TSHR: variants seen among roughly 807,000 people sequenced by gnomAD.
The protein encoded by TSHR is thyroid stimulating hormone receptor.
A neutral mutation model predicts 64.1 loss-of-function variants in TSHR; 51 were observed. That is an observed-to-expected ratio of 0.80 (90% CI 0.64 to 1.01). TSHR has a LOEUF of 1.01. TSHR is among the 50% of genes least tolerant of loss of function. TSHR has a pLI of 0.00. For missense variants in TSHR, 877 were observed against 942.8 expected (o/e 0.93, Z 0.91); for synonymous variants, 361 against 361.9 (o/e 1.00, Z 0.03).
chr14:81,144,332 G>A lies in TSHR; in HGVS notation c.2274G>A (p.Glu758=). ...TPKKQGQISE[E]YMQTVL is the part of the protein sequence containing the mutation. Reference sequence around the variant, plus strand: ...AGAAGCAAGGCCAAATCTCAGAAGAGTATATGCAAACGGTTTTGTAAGTTA... The same window carrying A: ...AGAAGCAAGGCCAAATCTCAGAAGAATATATGCAAACGGTTTTGTAAGTTA... Residue 758 remains glutamate, a synonymous_variant, in exon 10 of 10, where the codon GAG becomes GAA. Transcript: ENST00000298171. 3.1e-6 allele frequency: 5 copies of A among 1,614,160 alleles called. No individual in the cohort carries two copies. The highest frequency in any genetic ancestry group is 4.2e-6 in the Non-Finnish European group (5 of 1,180,052).
Position 81,130,100 on chromosome 14 carries a change from C to T in TSHR, c.693-9579C>T, listed in dbSNP as rs116111222. ...GGAAAACTGATGATTGAATATTACACGGCCTTAAAGAGTTATTGTTTTAGA... is the reference window on the plus strand; with the variant it reads ...GGAAAACTGATGATTGAATATTACATGGCCTTAAAGAGTTATTGTTTTAGA... On this transcript the variant is annotated intron_variant, in intron 8 of 9. Coordinates refer to ENST00000298171, the MANE Select transcript of TSHR (RefSeq NM_000369.5). Among the ~76,000 whole-genome samples, 1,280 of 152,210 alleles carry T rather than the reference C, an allele frequency of 8.4e-3. 27 individuals carry two copies. The highest frequency in any genetic ancestry group is 0.03 in the African/African-American group (1,239 of 41,518).
At chr14:81,137,258 T>C (rs1891491911) in intron 8 of TSHR, among the ~76,000 whole-genome samples, 1 of 152,182 alleles carries the variant, frequency 6.6e-6, no homozygotes, top group African/African-American at 2.4e-5. Context: ...AATGCTGATT[T>C]GCAGAGTGAT....
intron 9 of TSHR, among the ~76,000 whole-genome samples, chr14:81,142,704 G>T (rs1891746398): frequency 6.7e-6 from 1 of 150,364 alleles, no homozygotes; most frequent in South Asian, 2.1e-4. Context: ...GACCTCCCCA[G>T]GCTCAGGTGA....
rs1251104135 is a variant in TSHR at position 81,092,625 on chromosome 14, C to A, written c.545+17C>A. The A allele has an allele frequency of 2.3e-5, 37 of 1,607,796 alleles. No individual in the cohort carries two copies. Among genetic ancestry groups the A allele is most frequent in the Non-Finnish European group, 3.2e-5 (37 of 1,174,518 alleles). On this transcript the variant is annotated intron_variant, in intron 6 of 9. Transcript: ENST00000298171. ...CTTGACACTGTGAGTATTACCAGTT[C>A]TACTCCCTCCATCAACTAAATTCTA...
intron 1 of TSHR, chr14:81,001,176 A>C (rs1388975953): frequency 5.8e-6 from 1 of 171,636 alleles, no homozygotes; most frequent in African/African-American, 2.4e-5. Context: ...CCATGCCGTA[A>C]GTTTTTGTTT....
At chr14:81,056,729 G>T (rs1363195139) in intron 1 of TSHR, among the ~76,000 whole-genome samples, 1 of 152,062 alleles carries the variant, frequency 6.6e-6, no homozygotes, top group Non-Finnish European at 1.5e-5. Flanking sequence ...CACAAAAAAA[G>T]CCCAAATCAA....
chr14:80,966,592 T>A (rs530478017), intron 1 of TSHR, among the ~76,000 whole-genome samples: 6 of 150,776 alleles, frequency 4.0e-5, no homozygotes, highest in South Asian at 2.1e-4. Flanking sequence ...AAAAAAAAAA[T>A]AAAAATTTAA....
At chr14:81,081,171 A>C (rs1262398700) in intron 3 of TSHR, among the ~76,000 whole-genome samples, 1 of 152,184 alleles carries the variant, frequency 6.6e-6, no homozygotes, top group Non-Finnish European at 1.5e-5. Flanking sequence ...TGGGCAGCAT[A>C]GCATGACCCT....
intron 4 of TSHR, among the ~76,000 whole-genome samples, chr14:81,090,645 T>A (rs1055348658): frequency 1.3e-5 from 2 of 152,172 alleles, no homozygotes; most frequent in Non-Finnish European, 2.9e-5. Flanking sequence ...CATGTAGAGC[T>A]TGAAAGAGGA....
At chr14:80,974,329 C>T (rs1759922171) in intron 1 of TSHR, among the ~76,000 whole-genome samples, 1 of 152,204 alleles carries the variant, frequency 6.6e-6, no homozygotes, top group Non-Finnish European at 1.5e-5. Context: ...GAGTTCTTAT[C>T]TTCTTCCAGA....
In TSHR at chr14:81,103,619, G is replaced by A. The variant is rs139312189; in HGVS notation, c.615-4756G>A. 263 of 985,430 alleles carry A rather than the reference G, an allele frequency of 2.7e-4. 1 individual carries two copies. The African/African-American group carries it at 4.4e-3, about 17-fold the overall frequency. The allele number at this position is 985,430 out of a possible 1,614,324, so 61.0% of individuals were successfully genotyped here. A position where few individuals can be genotyped will look rare whatever the true frequency, so the allele number is the denominator to read the frequency against. ...GATGTGTAAAAGCACATTGTCCTAT[G>A]ACTTCCTATGGCGCCAAGAATGTTG... On this transcript the variant is annotated intron_variant, in intron 7 of 9. Transcript: ENST00000298171. This position sits in a 1 kb window ranked among gnomAD's most constrained non-coding sequence, Gnocchi z 4.1.
At chr14:80,974,977 G>A (rs187716687) in intron 1 of TSHR, among the ~76,000 whole-genome samples, 6 of 152,318 alleles carry the variant, frequency 3.9e-5, no homozygotes, top group African/African-American at 1.4e-4. Context: ...TGGAAGTCAG[G>A]AGACCTTCCA....
intron 1 of TSHR, chr14:80,991,430 A>C (rs1242190043): frequency 2.6e-6 from 1 of 390,652 alleles, no homozygotes; most frequent in Admixed American, 4.5e-5. Context: ...GGAAATAGAG[A>C]GACAAATTTT....
In TSHR at chr14:81,022,265, G is replaced by A. The variant is rs150989464; in HGVS notation, c.171-39883G>A. On this transcript the variant is annotated intron_variant, in intron 1 of 9. Coordinates refer to ENST00000298171, the MANE Select transcript of TSHR (RefSeq NM_000369.5). ...AGCCTGGGCAACAGAGCGAGACTCCGTCTCAAAAACAAAAACAAAACAAAC... is the reference window on the plus strand; with the variant it reads ...AGCCTGGGCAACAGAGCGAGACTCCATCTCAAAAACAAAAACAAAACAAAC... Among the ~76,000 whole-genome samples the A allele has an allele frequency of 3.9e-3, 589 of 151,934 alleles. 7 individuals carry two copies. Among genetic ancestry groups the A allele is most frequent in the African/African-American group, 0.014 (565 of 41,414 alleles).
chr14:81,014,838 T>C (rs1424974663), intron 1 of TSHR, among the ~76,000 whole-genome samples: 1 of 152,196 alleles, frequency 6.6e-6, no homozygotes, highest in African/African-American at 2.4e-5. Context: ...TGCAGATAGT[T>C]TTGGCCAACT....
At chr14:81,047,619 C>T (rs1885227647) in intron 1 of TSHR, among the ~76,000 whole-genome samples, 1 of 151,770 alleles carries the variant, frequency 6.6e-6, no homozygotes, top group Non-Finnish European at 1.5e-5. Flanking sequence ...AAGGACAGCT[C>T]CTTTCCAGAA....
At chr14:80,987,625 T>A (rs1888533198) in intron 1 of TSHR, among the ~76,000 whole-genome samples, 1 of 152,196 alleles carries the variant, frequency 6.6e-6, no homozygotes, top group Non-Finnish European at 1.5e-5. Context: ...CCCCTTCTGG[T>A]AGCTGGCAGA....
In TSHR at chr14:81,068,137, T is replaced by C. The variant is rs534117025; in HGVS notation, c.243-117T>C. 1.6e-5 allele frequency: 15 copies of C among 913,434 alleles called. No homozygotes were observed. The South Asian group carries it at 1.6e-4, about 10-fold the overall frequency. 56.6% of individuals were successfully genotyped at this position (913,434 alleles called of 1,614,324 possible). A position where few individuals can be genotyped will look rare whatever the true frequency, so the allele number is the denominator to read the frequency against. ...CATAATTTGGCAGAATCCATGAGGG[T>C]TGTACATGTTGCATGATCTGGGAAG... is the stretch of plus-strand genomic sequence containing the variant. On this transcript the variant is annotated intron_variant, in intron 2 of 9. Coordinates refer to ENST00000298171, the MANE Select transcript of TSHR (RefSeq NM_000369.5).
chr14:81,070,212 T>TA (rs1258493313), intron 3 of TSHR, among the ~76,000 whole-genome samples: 1 of 152,094 alleles, frequency 6.6e-6, no homozygotes, highest in Non-Finnish European at 1.5e-5. Flanking sequence ...CCAAAACTCT[T>TA]AAGAGACATC....
Sources: allele counts gnomAD v4.1 joint callset (sites outside exome capture counted in the v4.1 genomes callset), GRCh38; gene constraint gnomAD v4.1.1; non-coding constraint Gnocchi (gnomAD v3.1); transcripts MANE v1.5; gene names NCBI Gene and HGNC (gene_info 2026-07-23, HGNC 2026-07-21).